DCP1B: variants seen among roughly 807,000 people sequenced by gnomAD.
The protein encoded by DCP1B is decapping mRNA 1B.
In DCP1B, 47 loss-of-function variants were observed where a neutral mutation model predicts 60.5. The observed-to-expected ratio is 0.78, with a 90% CI of 0.61 to 0.99. DCP1B has a LOEUF of 0.99. Ranked by LOEUF, DCP1B falls within the 50% of genes least tolerant of loss-of-function variation. DCP1B has a pLI of 0.00. For synonymous variants in DCP1B, 267 were observed against 280.3 expected (o/e 0.95, Z 0.47); for missense variants, 725 against 756.8 (o/e 0.96, Z 0.49).
At chr12:1,946,901 G>T (rs1311142369) in intron 8 of DCP1B, among the ~76,000 whole-genome samples, 1 of 152,082 alleles carries the variant, frequency 6.6e-6, no homozygotes, top group Admixed American at 6.5e-5. Context: ...TCACTATGTT[G>T]CTCAGGGTGG....
chr12:1,989,646 G>A (rs1005031531), intron 3 of DCP1B, among the ~76,000 whole-genome samples: 7 of 152,174 alleles, frequency 4.6e-5, no homozygotes, highest in African/African-American at 1.7e-4. Context: ...TTGGGAGGTG[G>A]AGGCTGCAAT....
At chr12:1,995,748 C>G (rs1415240128) in intron 2 of DCP1B, among the ~76,000 whole-genome samples, 1 of 152,238 alleles carries the variant, frequency 6.6e-6, no homozygotes, top group Non-Finnish European at 1.5e-5. Flanking sequence ...CATCTGTATC[C>G]TTGCTGGCCC....
At chr12:1,996,351 C>T (rs1593309581) in intron 2 of DCP1B, among the ~76,000 whole-genome samples, 2 of 152,116 alleles carry the variant, frequency 1.3e-5, no homozygotes, top group South Asian at 2.1e-4. Context: ...CTACTATAAA[C>T]CAGTATAAGC....
intron 2 of DCP1B, among the ~76,000 whole-genome samples, chr12:1,995,850 T>G (rs2040668485): frequency 2.6e-5 from 4 of 152,282 alleles, no homozygotes; most frequent in Admixed American, 2.0e-4. Context: ...ACCAAATTAC[T>G]TCAGACAACT....
chr12:1,965,522 A>T (rs1475868210), intron 5 of DCP1B, 36 bp downstream of exon 5: 5 of 1,578,000 alleles, frequency 3.2e-6, no homozygotes, highest in Non-Finnish European at 4.3e-6. Flanking sequence ...GCGGAACTGA[A>T]GTGTGTATGT....
At chr12:1,958,318 C>T (rs2030973616) in intron 5 of DCP1B, among the ~76,000 whole-genome samples, 1 of 147,144 alleles carries the variant, frequency 6.8e-6, no homozygotes, top group African/African-American at 2.5e-5. Context: ...AGGGGAAAAG[C>T]TCCCTAACGT....
At chr12:1,943,457 T>C (rs2030328117), downstream of DCP1B, among the ~76,000 whole-genome samples, 1 of 152,198 alleles carries the variant, frequency 6.6e-6, no homozygotes, top group African/African-American at 2.4e-5. Flanking sequence ...ATCATCTTGA[T>C]ACCAAAACCT....
At chr12:1,992,719 A>C (rs1378837944) in intron 3 of DCP1B, 1 of 168,644 alleles carries the variant, frequency 5.9e-6, no homozygotes, top group African/African-American at 2.4e-5. Flanking sequence ...TTAGTTACCT[A>C]CTACGACTTC....
chr12:1,994,965 C>T (rs1315972448), intron 2 of DCP1B, among the ~76,000 whole-genome samples: 1 of 141,046 alleles, frequency 7.1e-6, no homozygotes, highest in African/African-American at 2.6e-5. Flanking sequence ...CTGAAGAAAG[C>T]CTTCAACATT....
chr12:1,993,528 ACTT>A, intron 2 of DCP1B, 137 bp from the exon 3 acceptor site: 1 of 1,008,686 alleles, frequency 9.9e-7, no homozygotes, highest in Non-Finnish European at 1.4e-6. Context: ...CTGTACACGT[ACTT>A]CTTCACCACT....
chr12:1,966,897 C>A (rs1009508013), intron 4 of DCP1B, among the ~76,000 whole-genome samples: 5 of 152,216 alleles, frequency 3.3e-5, no homozygotes, highest in African/African-American at 1.2e-4. Flanking sequence ...ACTTTCTAGT[C>A]ATTTCATTGC....
At chr12:1,943,104 A>T (rs1211553302), downstream of DCP1B, among the ~76,000 whole-genome samples, 1 of 152,240 alleles carries the variant, frequency 6.6e-6, no homozygotes, top group East Asian at 1.9e-4. Context: ...ATAAAAAATG[A>T]CAAAGGGGAT....
chr12:1,953,498 G>A (rs1395052872), intron 6 of DCP1B, among the ~76,000 whole-genome samples: 1 of 152,036 alleles, frequency 6.6e-6, no homozygotes, highest in Non-Finnish European at 1.5e-5. Flanking sequence ...CCCCAAAACA[G>A]TTATTATATT....
chr12:1,989,846 T>C (rs2038903096), intron 3 of DCP1B, among the ~76,000 whole-genome samples: 1 of 152,260 alleles, frequency 6.6e-6, no homozygotes, highest in Admixed American at 6.5e-5. Context: ...AGTAAGTGAT[T>C]ACTATATGGG....
At chr12:1,943,061 A>C (rs776732497), downstream of DCP1B, among the ~76,000 whole-genome samples, 3 of 152,178 alleles carry the variant, frequency 2.0e-5, no homozygotes, top group Non-Finnish European at 4.4e-5. Context: ...CAGAATAATA[A>C]AGAAGAAAAG....
rs761839403 is a variant in DCP1B at position 1,949,207 on chromosome 12, T to C, written c.1652A>G (p.Gln551Arg). ...GCTGGTGGCAGCAGCAGGTGGCTCC[T>C]GGCCTCCCACAGGCAAGAGGCCGCT... The part of the protein sequence containing the change: ...RESGLLPVGG[Q>R]EPPAAATSLL... Residue 551 changes from glutamine (Q) to arginine (R), a missense_variant, in exon 8 of 9, where the codon CAG becomes CGG. By Grantham distance (43) the Gln-to-Arg change is conservative. Transcript: ENST00000280665. 3.1e-6 allele frequency: 5 copies of C among 1,614,184 alleles called. No individual in the cohort carries two copies. The highest frequency in any genetic ancestry group is 3.4e-6 in the Non-Finnish European group (4 of 1,180,036).
intron 2 of DCP1B, 140 bp from the exon 3 acceptor site, chr12:1,993,531 T>G: frequency 1.0e-6 from 1 of 956,796 alleles, no homozygotes; most frequent in Non-Finnish European, 1.5e-6. Flanking sequence ...TACACGTACT[T>G]CTTCACCACT....
At chr12:1,947,539 C>T (rs1289208956) in intron 8 of DCP1B, among the ~76,000 whole-genome samples, 1 of 152,156 alleles carries the variant, frequency 6.6e-6, no homozygotes, top group Non-Finnish European at 1.5e-5. Flanking sequence ...TTCTAATCCG[C>T]CATGTTCAGC....
intron 3 of DCP1B, among the ~76,000 whole-genome samples, chr12:1,986,185 T>C (rs979249846): frequency 3.9e-5 from 6 of 152,228 alleles, no homozygotes; most frequent in Admixed American, 1.3e-4. Context: ...TAATGGTTTA[T>C]ATTGTAAGTT....
Sources: gnomAD v4.1 joint callset for allele counts (sites outside exome capture counted in the v4.1 genomes callset) on GRCh38, gnomAD v4.1.1 for gene constraint, MANE v1.5 for transcripts, NCBI Gene and HGNC (gene_info 2026-07-23, HGNC 2026-07-21) for gene names.